AKT2: variants seen among roughly 807,000 people sequenced by gnomAD.
AKT2 encodes AKT serine/threonine kinase 2.
Under a neutral mutation model 58.6 loss-of-function variants are expected in AKT2, and 16 were observed. The observed-to-expected ratio is 0.27, with a 90% CI of 0.18 to 0.41. The LOEUF (loss-of-function observed/expected upper bound fraction) is 0.41. Ranked by LOEUF, AKT2 falls within the 10% of genes least tolerant of loss-of-function variation. The pLI, the probability that AKT2 is intolerant of heterozygous loss-of-function variation, is 1.00. For missense variants in AKT2, 438 were observed against 661.0 expected (o/e 0.66, Z 3.70); for synonymous variants, 253 against 254.0 (o/e 1.00, Z 0.04).
intron 4 of AKT2, among the ~76,000 whole-genome samples, chr19:40,247,834 C>T (rs1974855194): frequency 6.6e-6 from 1 of 152,138 alleles, no homozygotes; most frequent in Admixed American, 6.5e-5. Flanking sequence ...GGCTCATCTG[C>T]CCACCGACAG....
At chr19:40,277,353 C>T (rs1055065224) in intron 1 of AKT2, among the ~76,000 whole-genome samples, 2 of 152,190 alleles carry the variant, frequency 1.3e-5, no homozygotes, top group Non-Finnish European at 2.9e-5. Context: ...CTCCCACCCG[C>T]CAAGGCCTTC....
At chr19:40,266,703 G>C (rs1976380417) in intron 1 of AKT2, among the ~76,000 whole-genome samples, 1 of 152,172 alleles carries the variant, frequency 6.6e-6, no homozygotes, top group African/African-American at 2.4e-5. Context: ...CCAACACTTT[G>C]GGAGGTCAAA....
Position 40,233,211 on chromosome 19 carries a change from G to A in AKT2, c.*661C>T, listed in dbSNP as rs753222398. 4 of 262,528 alleles carry A rather than the reference G, an allele frequency of 1.5e-5. No individual in the cohort carries two copies. Among genetic ancestry groups the A allele is most frequent in the East Asian group, 5.7e-5 (1 of 17,494 alleles). 16.3% of individuals were successfully genotyped at this position (262,528 alleles called of 1,614,324 possible). Reference sequence around the variant, plus strand: ...AGGACAGTTTGGTGGGGAGGAGGCCGGACCAGGAGGCGGCACCCAGCCCGG... The same window carrying A: ...AGGACAGTTTGGTGGGGAGGAGGCCAGACCAGGAGGCGGCACCCAGCCCGG... On this transcript the variant is annotated 3_prime_UTR_variant, in exon 14 of 14. Coordinates refer to ENST00000392038, the MANE Select transcript of AKT2 (RefSeq NM_001626.6). This position sits in a 1 kb window ranked among gnomAD's most constrained non-coding sequence, Gnocchi z 4.3.
intron 1 of AKT2, 199 bp downstream of exon 1, chr19:40,284,982 C>T (rs2077487781): frequency 2.7e-6 from 1 of 365,418 alleles, no homozygotes; most frequent in Non-Finnish European, 4.9e-6. Flanking sequence ...AGTGGTATGG[C>T]CCGCCGCCAC....
intron 1 of AKT2, chr19:40,284,962 C>A (rs866075530): frequency 1.1e-4 from 38 of 357,928 alleles, no homozygotes; most frequent in African/African-American, 7.4e-4. Flanking sequence ...AGCGCTCCCC[C>A]CACCGCCTCA....
chr19:40,254,225 G>C (rs1381520116), intron 4 of AKT2, among the ~76,000 whole-genome samples: 1 of 152,136 alleles, frequency 6.6e-6, no homozygotes, highest in Non-Finnish European at 1.5e-5. Flanking sequence ...AAAATCAATA[G>C]AGATGCTCAT....
At chr19:40,276,741 T>A (rs2077333585) in intron 1 of AKT2, among the ~76,000 whole-genome samples, 1 of 151,954 alleles carries the variant, frequency 6.6e-6, no homozygotes, top group Non-Finnish European at 1.5e-5. Context: ...GCAGGCCAGG[T>A]GCAGTGATTC....
intron 1 of AKT2, chr19:40,274,515 T>TA (rs1436110956): frequency 6.3e-6 from 1 of 159,420 alleles, no homozygotes; most frequent in African/African-American, 2.4e-5. Context: ...AATAAATACA[T>TA]ACGCAAATTA....
chr19:40,259,879 G>A (rs7252506), intron 2 of AKT2, among the ~76,000 whole-genome samples: 17,435 of 152,202 alleles, frequency 0.11, 1,447 homozygotes, highest in African/African-American at 0.23. Flanking sequence ...AAGGCCGGGC[G>A]CGGTAGCTCA....
In AKT2 at chr19:40,270,286, C is replaced by T. The variant is rs915108459; in HGVS notation, c.-84-4935G>A. ...CACCACCCACACTGGAATGTCAGCA[C>T]GACAAAGGCAGGACTCTTGGCTGCC... On this transcript the variant is annotated intron_variant, in intron 1 of 13. Transcript: ENST00000392038. Among the ~76,000 whole-genome samples, 17 of 152,158 alleles carry T rather than the reference C, an allele frequency of 1.1e-4. 1 individual carries two copies. The East Asian group carries it at 3.1e-3, about 28-fold the overall frequency.
intron 4 of AKT2, among the ~76,000 whole-genome samples, chr19:40,253,563 T>G (rs1975321871): frequency 6.6e-6 from 1 of 152,108 alleles, no homozygotes; most frequent in Non-Finnish European, 1.5e-5. Flanking sequence ...TGCTGAATTT[T>G]TCCACTGCTC....
At chr19:40,277,710 C>A (rs1178639220) in intron 1 of AKT2, among the ~76,000 whole-genome samples, 2 of 152,192 alleles carry the variant, frequency 1.3e-5, no homozygotes, top group African/African-American at 4.8e-5. Context: ...ACAGGGGCTC[C>A]TCAGCAGCCT....
intron 4 of AKT2, among the ~76,000 whole-genome samples, chr19:40,246,541 G>C (rs890662285): frequency 6.6e-6 from 1 of 152,118 alleles, no homozygotes; most frequent in Non-Finnish European, 1.5e-5. Flanking sequence ...TCTCCTAAGA[G>C]ATACAGTGAA....
At chr19:40,275,592 C>T (rs2077299544) in intron 1 of AKT2, 3 of 303,676 alleles carry the variant, frequency 9.9e-6, no homozygotes, top group African/African-American at 6.5e-5. Flanking sequence ...AACTAGCCCA[C>T]AGACCTTTCC....
rs545214564 is a variant in AKT2 at position 40,281,050 on chromosome 19, G to A, written c.-85+4131C>T. Among the ~76,000 whole-genome samples, 7 of 152,230 alleles carry A rather than the reference G, an allele frequency of 4.6e-5. No individual in the cohort carries two copies. The East Asian group carries it at 7.7e-4, about 17-fold the overall frequency. On this transcript the variant is annotated intron_variant, in intron 1 of 13. Transcript: ENST00000392038. The stretch of plus-strand genomic sequence containing the variant: ...GGCGGATGAGTGAAACCTTTTCCTC[G>A]GCTCCACAATACCCTTAGGATCCAT...
chr19:40,255,290 C>G, intron 3 of AKT2, 21 bp from the exon 4 acceptor site: 1 of 1,601,100 alleles, frequency 6.2e-7, no homozygotes, highest in South Asian at 1.1e-5. Flanking sequence ...AGGGAACAGA[C>G]AGCAGGGGGC....
chr19:40,256,673 A>G (rs1189340144), intron 3 of AKT2, among the ~76,000 whole-genome samples: 1 of 152,240 alleles, frequency 6.6e-6, no homozygotes, highest in Non-Finnish European at 1.5e-5. Flanking sequence ...TGGAACCACA[A>G]GGAGGCGATG....
rs3943793 is a variant in AKT2, at chr19:40,282,098, T to C, written c.-85+3083A>G. The C allele has an allele frequency of 2.5e-5, 5 of 198,454 alleles. No homozygotes were observed. The East Asian group carries it at 8.2e-4, about 33-fold the overall frequency. 12.3% of individuals were successfully genotyped at this position (198,454 alleles called of 1,614,324 possible). ...ACCAGAACATTGAAGTTCTGGATCC[T>C]AGCTGGGCCAGGCTGGGGAGCTGGA... On this transcript the variant is annotated intron_variant, in intron 1 of 13. Coordinates refer to ENST00000392038, the MANE Select transcript of AKT2 (RefSeq NM_001626.6).
At position 40,234,515 on chromosome 19, in the gene AKT2, C is replaced by T. The variant is rs544709571; in HGVS notation, c.1366+530G>A. The T allele has an allele frequency of 1.4e-5, 4 of 278,118 alleles. No individual in the cohort carries two copies. Among genetic ancestry groups the T allele is most frequent in the African/African-American group, 4.4e-5 (2 of 45,828 alleles). 17.2% of individuals were successfully genotyped at this position (278,118 alleles called of 1,614,324 possible). On this transcript the variant is annotated intron_variant, in intron 13 of 13. Transcript: ENST00000392038. The surrounding 1 kb of genome is among the most constrained non-coding windows in gnomAD (Gnocchi z 4.7). ...CTTCTCCCATTGCTGGCATCCCACA[C>T]GTCATTCCTCCGGCCAGCTGACACG...
Sources: allele counts gnomAD v4.1 joint callset (sites outside exome capture counted in the v4.1 genomes callset), GRCh38; gene constraint gnomAD v4.1.1; non-coding constraint Gnocchi (gnomAD v3.1); transcripts MANE v1.5; gene names NCBI Gene and HGNC (gene_info 2026-07-23, HGNC 2026-07-21).